C12orf56: variants seen among roughly 807,000 people sequenced by gnomAD.
The protein encoded by C12orf56 is chromosome 12 open reading frame 56.
In C12orf56, 71 loss-of-function variants were observed where a neutral mutation model predicts 69.9. That is an observed-to-expected ratio of 1.02 (90% CI 0.84 to 1.24). The LOEUF (loss-of-function observed/expected upper bound fraction) is 1.24, where lower values mean the gene tolerates loss of function less well. Ranked by LOEUF, C12orf56 falls within the 50% of genes most tolerant of loss-of-function variation. C12orf56 has a pLI of 0.00. For synonymous variants in C12orf56, 276 were observed against 274.1 expected, an observed-to-expected ratio of 1.01 and a Z score of -0.07; for missense variants, 732 against 738.5, an observed-to-expected ratio of 0.99 and a Z score of 0.10.
intron 1 of C12orf56, among the ~76,000 whole-genome samples, chr12:64,366,045 T>A (rs1353208208): frequency 6.5e-5 from 6 of 92,120 alleles, no homozygotes; most frequent in South Asian, 6.5e-4. Flanking sequence ...AGTTTATATA[T>A]TATATATAAT....
chr12:64,313,123 A>T (rs2038641822), intron 4 of C12orf56, among the ~76,000 whole-genome samples: 2 of 151,466 alleles, frequency 1.3e-5, no homozygotes, highest in Admixed American at 1.3e-4. Flanking sequence ...TTAGCCGGGC[A>T]TGGTGGCAGG....
intron 1 of C12orf56, among the ~76,000 whole-genome samples, chr12:64,380,540 G>A (rs1170336134): frequency 6.6e-6 from 1 of 152,194 alleles, no homozygotes; most frequent in Non-Finnish European, 1.5e-5. Flanking sequence ...GGGAGATAGA[G>A]AACAGCAAAT....
At chr12:64,352,808 G>A in intron 2 of C12orf56, 86 bp downstream of exon 2, 2 of 1,258,976 alleles carry the variant, frequency 1.6e-6, no homozygotes, top group African/African-American at 1.6e-5. Context: ...GAACTAAGAA[G>A]CAAAATATCC....
intron 3 of C12orf56, among the ~76,000 whole-genome samples, chr12:64,327,975 A>T (rs1397030422): frequency 1.3e-5 from 2 of 152,196 alleles, no homozygotes; most frequent in Non-Finnish European, 2.9e-5. Context: ...CAAGTTGGTA[A>T]TGTGTTTAGG....
chr12:64,361,983 C>T (rs959957139), intron 1 of C12orf56, among the ~76,000 whole-genome samples: 1 of 152,130 alleles, frequency 6.6e-6, no homozygotes, highest in South Asian at 2.1e-4. Flanking sequence ...CTGCCCACCT[C>T]GGCGTCCCAA....
intron 11 of C12orf56, 57 bp downstream of exon 11, chr12:64,274,844 A>G (rs1378876454): frequency 1.5e-5 from 20 of 1,334,948 alleles, no homozygotes; most frequent in Admixed American, 7.2e-5. Flanking sequence ...ATTAAGCACA[A>G]GAGTATCTGT....
rs1365798124 is a variant in C12orf56, at chr12:64,328,702, AAAAAATATATATATATATATAT to A, written c.488+2236_488+2257del. Among the ~76,000 whole-genome samples, 63 of 26,430 alleles carry A rather than the reference AAAAAATATATATATATATATAT, an allele frequency of 2.4e-3. 1 individual carries two copies. The highest frequency in any genetic ancestry group is 0.023 in the South Asian group (18 of 796). 17.3% of individuals were successfully genotyped at this position (26,430 alleles called of 152,430 possible). On this transcript the variant is annotated intron_variant, in intron 3 of 12. Coordinates refer to ENST00000543942, the MANE Select transcript of C12orf56 (RefSeq NM_001170633.2). The stretch of plus-strand genomic sequence containing the variant: ...CTCAAAAAAAAAAAAAAAAAAAAAA[AAAAAATATATATATATATATAT>A]ATATATATATATAGTATCACACTTT...
At chr12:64,308,698 C>T (rs976477378) in intron 5 of C12orf56, among the ~76,000 whole-genome samples, 4 of 151,240 alleles carry the variant, frequency 2.6e-5, no homozygotes, top group African/African-American at 9.7e-5. Flanking sequence ...CAAAAATTAG[C>T]AGGGCGTGGT....
chr12:64,384,249 C>T (rs1592507914), intron 1 of C12orf56, among the ~76,000 whole-genome samples: 1 of 152,214 alleles, frequency 6.6e-6, no homozygotes, highest in East Asian at 1.9e-4. Context: ...GCTATTCCAC[C>T]TCCTTAATCT....
chr12:64,306,967 T>C (rs779311192), intron 5 of C12orf56, among the ~76,000 whole-genome samples: 5 of 152,200 alleles, frequency 3.3e-5, no homozygotes, highest in Non-Finnish European at 7.3e-5. Context: ...TTTGAAATCA[T>C]GGCATTTTAA....
At chr12:64,307,183 A>G (rs1475705423) in intron 5 of C12orf56, among the ~76,000 whole-genome samples, 1 of 152,108 alleles carries the variant, frequency 6.6e-6, no homozygotes, top group Non-Finnish European at 1.5e-5. Flanking sequence ...GAGTAAACGT[A>G]TGAAAACCTA....
chr12:64,330,349 A>G (rs2038913619), intron 3 of C12orf56, among the ~76,000 whole-genome samples: 1 of 152,116 alleles, frequency 6.6e-6, no homozygotes, highest in Non-Finnish European at 1.5e-5. Flanking sequence ...GGGCTAACTA[A>G]CACATGTTCC....
At chr12:64,308,943 G>GAAA (rs1565748980) in intron 5 of C12orf56, among the ~76,000 whole-genome samples, 572 of 33,464 alleles carry the variant, frequency 0.017, 10 homozygotes, top group African/African-American at 0.042. Flanking sequence ...AAAGAAAGAA[G>GAAA]AAAGAAAGAA....
At chr12:64,375,656 CA>C (rs1004289589) in intron 1 of C12orf56, among the ~76,000 whole-genome samples, 2 of 152,140 alleles carry the variant, frequency 1.3e-5, no homozygotes, top group African/African-American at 4.8e-5. Flanking sequence ...TACAACTACA[CA>C]AAAAGTTTTG....
At chr12:64,272,580 TAAAA>T (rs72184495) in intron 11 of C12orf56, among the ~76,000 whole-genome samples, 107,357 of 151,150 alleles carry the variant, frequency 0.71, 39,165 homozygotes, top group Non-Finnish European at 0.8. Flanking sequence ...AAAATAAAAA[TAAAA>T]AAATAAATAA....
chr12:64,371,044 C>T (rs1210362834), intron 1 of C12orf56, among the ~76,000 whole-genome samples: 1 of 152,120 alleles, frequency 6.6e-6, no homozygotes, highest in Non-Finnish European at 1.5e-5. Flanking sequence ...AATAAACCCA[C>T]ACATATATGG....
At position 64,282,789 on chromosome 12, in the gene C12orf56, A is replaced by G. The variant is rs117096663; in HGVS notation, c.1310+1875T>C. On this transcript the variant is annotated intron_variant, in intron 8 of 12. Transcript: ENST00000543942. ...TCTAAAAAAAAAAAAAGAAAAGAAA[A>G]AAAGCATAGTATGCCCATAGTCCCT... is the stretch of plus-strand genomic sequence containing the variant. Among the ~76,000 whole-genome samples the G allele has an allele frequency of 2.7e-3, 409 of 151,932 alleles. 7 individuals carry two copies. The East Asian group carries it at 0.048, about 18-fold the overall frequency.
Position 64,279,767 on chromosome 12 carries a change from C to G in C12orf56, c.1311-1964G>C, listed in dbSNP as rs73113593. On this transcript the variant is annotated intron_variant, in intron 8 of 12. Transcript: ENST00000543942. ...TCTCACAAAAGCAGGATATACCCTA[C>G]AGGGTATTTAATAATGTTTTATTCA... Among the ~76,000 whole-genome samples, 1,349 of 152,260 alleles carry G rather than the reference C, an allele frequency of 8.9e-3. 9 individuals carry two copies. The highest frequency in any genetic ancestry group is 0.021 in the South Asian group (102 of 4,820).
In C12orf56 at chr12:64,267,057, A is replaced by G; in HGVS notation, c.*126T>C. The G allele has an allele frequency of 1.5e-6, 1 of 651,926 alleles. No individual in the cohort carries two copies. The highest frequency in any genetic ancestry group is 2.5e-6 in the Non-Finnish European group (1 of 396,134). The allele number at this position is 651,926 out of a possible 1,614,324, so 40.4% of individuals were successfully genotyped here. A position where few individuals can be genotyped will look rare whatever the true frequency, so the allele number is the denominator to read the frequency against. On this transcript the variant is annotated 3_prime_UTR_variant, in exon 13 of 13. Coordinates refer to ENST00000543942, the MANE Select transcript of C12orf56 (RefSeq NM_001170633.2). ...GGTATTGATGGAACATTCAATTAAA[A>G]TCTTTGTTTATAGGACTCAGAGATA...
Sources: gnomAD v4.1 joint callset for allele counts (sites outside exome capture counted in the v4.1 genomes callset) on GRCh38, gnomAD v4.1.1 for gene constraint, MANE v1.5 for transcripts, NCBI Gene and HGNC (gene_info 2026-07-23, HGNC 2026-07-21) for gene names.